GRB2: variants seen among roughly 807,000 people sequenced by gnomAD.
The protein encoded by GRB2 is growth factor receptor bound protein 2.
A neutral mutation model predicts 27.4 loss-of-function variants in GRB2; 2 were observed. That is an observed-to-expected ratio of 0.07 (90% confidence interval 0.03 to 0.23). GRB2 has a LOEUF of 0.23. Ranked by LOEUF, GRB2 falls within the 10% of genes least tolerant of loss-of-function variation. The probability of loss-of-function intolerance (pLI) is 1.00; values close to 1 mark genes in which losing one functional copy is unlikely to be tolerated. For missense variants in GRB2, 102 were observed against 282.4 expected, an observed-to-expected ratio of 0.36 and a Z score of 4.58; for synonymous variants, 94 against 99.6, an observed-to-expected ratio of 0.94 and a Z score of 0.33.
chr17:75,344,091 T>C (rs947953466), intron 2 of GRB2, among the ~76,000 whole-genome samples: 11 of 152,154 alleles, frequency 7.2e-5, no homozygotes, highest in African/African-American at 1.9e-4. Context: ...ATCAATTCAA[T>C]AGAAAACATC....
rs559687062 is a variant in GRB2 at position 75,375,227 on chromosome 17, A to G, written c.78+18324T>C. On this transcript the variant is annotated intron_variant, in intron 2 of 5. Transcript: ENST00000316804. ...CTGATCTACATAATTCTATCACTAT[A>G]CTTCTTATGCCAATCATCACATCAC... Among the ~76,000 whole-genome samples the G allele has an allele frequency of 3.7e-4, 56 of 152,222 alleles. 2 individuals carry two copies. Among genetic ancestry groups the G allele is most frequent in the African/African-American group, 1.3e-3 (53 of 41,532 alleles).
intron 2 of GRB2, among the ~76,000 whole-genome samples, chr17:75,336,231 G>A (rs1049186620): frequency 6.6e-5 from 10 of 152,166 alleles, no homozygotes; most frequent in African/African-American, 2.4e-4. Flanking sequence ...TTATTTCAGA[G>A]ACAGAGTCTA....
At chr17:75,335,831 A>ACAT (rs757808979) in intron 2 of GRB2, among the ~76,000 whole-genome samples, 31 of 152,228 alleles carry the variant, frequency 2.0e-4, no homozygotes, top group Admixed American at 2.0e-4. Flanking sequence ...TAAAAAAATC[A>ACAT]CATCAAAGAC....
chr17:75,402,255 T>C (rs2079068567), intron 1 of GRB2, among the ~76,000 whole-genome samples: 1 of 152,226 alleles, frequency 6.6e-6, no homozygotes, highest in Non-Finnish European at 1.5e-5. Flanking sequence ...CTGAGCGCTA[T>C]TGCTTTCACA....
chr17:75,361,807 A>G (rs1044642699), intron 2 of GRB2, among the ~76,000 whole-genome samples: 1 of 152,160 alleles, frequency 6.6e-6, no homozygotes, highest in Non-Finnish European at 1.5e-5. Context: ...CTAACTGAGC[A>G]ACTCTATTAA....
At chr17:75,325,159 T>C (rs902038346) in intron 4 of GRB2, among the ~76,000 whole-genome samples, 2 of 152,160 alleles carry the variant, frequency 1.3e-5, no homozygotes, top group Non-Finnish European at 2.9e-5. Flanking sequence ...CTAAACTAAG[T>C]AGTGATCTGA....
Position 75,393,669 on chromosome 17 carries a change from A to C in GRB2, c.-41T>G. ...GTGCTCAGCAGCCTGAAGCAGGGGG[A>C]AGGGAGTCTTCCCTGCTGAAGCAAC... On this transcript the variant is annotated 5_prime_UTR_variant, in exon 2 of 6. Coordinates refer to ENST00000316804, the MANE Select transcript of GRB2 (RefSeq NM_002086.5). 1 of 1,532,330 alleles carries C rather than the reference A, an allele frequency of 6.5e-7. No homozygotes were observed. The highest frequency in any genetic ancestry group is 9.0e-7 in the Non-Finnish European group (1 of 1,106,118). 94.9% of individuals were successfully genotyped at this position (1,532,330 alleles called of 1,614,324 possible).
intron 2 of GRB2, chr17:75,344,409 T>TC (rs2078641457): frequency 1.5e-5 from 2 of 130,790 alleles, no homozygotes; most frequent in African/African-American, 2.6e-5. Flanking sequence ...TTTTTTTTTT[T>TC]CAGACAGAGT....
chr17:75,342,945 A>T (rs1479841489), intron 2 of GRB2, among the ~76,000 whole-genome samples: 1 of 147,622 alleles, frequency 6.8e-6, no homozygotes, highest in African/African-American at 2.5e-5. Flanking sequence ...ACTACTCAGG[A>T]GGCTGAGGTG....
chr17:75,403,148 CAA>C (rs11422812), intron 1 of GRB2, among the ~76,000 whole-genome samples: 1 of 136,780 alleles, frequency 7.3e-6, no homozygotes, highest in Non-Finnish European at 1.5e-5. Context: ...CAACTTTGAC[CAA>C]AAAAAATATA....
rs201329838 is a variant in GRB2, at chr17:75,384,866, T to C, written c.78+8685A>G. ...AGACAGCAATTTTTCCTAAATGGCCTCTCTCTCTAGTTTGACCTCATTTGT... is the reference window on the plus strand; with the variant it reads ...AGACAGCAATTTTTCCTAAATGGCCCCTCTCTCTAGTTTGACCTCATTTGT... On this transcript the variant is annotated intron_variant, in intron 2 of 5. Coordinates refer to ENST00000316804, the MANE Select transcript of GRB2 (RefSeq NM_002086.5). Among the ~76,000 whole-genome samples the C allele has an allele frequency of 1.4e-3, 204 of 150,202 alleles. 1 individual carries two copies. The highest frequency in any genetic ancestry group is 3.9e-4 in the East Asian group (2 of 5,098).
chr17:75,338,806 G>T, intron 2 of GRB2: 1 of 744,006 alleles, frequency 1.3e-6, no homozygotes, highest in South Asian at 1.4e-5. Context: ...AGTCCTTTCT[G>T]TGCTGATAGC....
At chr17:75,330,159 G>A (rs539451812) in intron 3 of GRB2, among the ~76,000 whole-genome samples, 18 of 151,370 alleles carry the variant, frequency 1.2e-4, no homozygotes, top group East Asian at 3.9e-4. Context: ...CGAGGCGGGC[G>A]GATCAGGAGG....
chr17:75,366,798 T>TGA (rs2078822894), intron 2 of GRB2, among the ~76,000 whole-genome samples: 1 of 151,936 alleles, frequency 6.6e-6, no homozygotes, highest in African/African-American at 2.4e-5. Context: ...GGTGTCAGAG[T>TGA]GAGACCCTGG....
At chr17:75,337,392 AAAAG>A (rs978111457) in intron 2 of GRB2, among the ~76,000 whole-genome samples, 20 of 151,848 alleles carry the variant, frequency 1.3e-4, no homozygotes, top group African/African-American at 3.4e-4. Flanking sequence ...TTAAAAAAAA[AAAAG>A]AAAGAAAAAG....
In GRB2 at chr17:75,396,172, C is replaced by T. The variant is rs541653122; in HGVS notation, c.-137-2407G>A. On this transcript the variant is annotated intron_variant, in intron 1 of 5. Transcript: ENST00000316804. ...TTTTTTGTACAATCCTTAGATTTTT[C>T]CCAGCATTAGCAACTGCTTAATGTT... Among the ~76,000 whole-genome samples, 84 of 152,234 alleles carry T rather than the reference C, an allele frequency of 5.5e-4. 1 individual carries two copies. Among genetic ancestry groups the T allele is most frequent in the African/African-American group, 2.0e-3 (81 of 41,538 alleles).
rs867334401 is a variant in GRB2, at chr17:75,341,452, A to T, written c.79-8655T>A. 0.012 allele frequency among the ~76,000 whole-genome samples: 437 copies of T among 37,638 alleles called. 6 individuals carry two copies. In the South Asian group the frequency reaches 0.22, roughly 19 times the overall value. The allele number at this position is 37,638 out of a possible 152,430, so 24.7% of individuals were successfully genotyped here. On this transcript the variant is annotated intron_variant, in intron 2 of 5. Coordinates refer to ENST00000316804, the MANE Select transcript of GRB2 (RefSeq NM_002086.5). ...GGGTGACAGAGTGACTCCATTAAAAAAAAAAAAAAAAAAAAAACACAAAAG... is the reference window on the plus strand; with the variant it reads ...GGGTGACAGAGTGACTCCATTAAAATAAAAAAAAAAAAAAAAACACAAAAG...
In GRB2 at chr17:75,320,667, C is replaced by A; in HGVS notation, c.469-114G>T. 1.4e-6 allele frequency: 1 copy of A among 720,444 alleles called. No homozygotes were observed. Among genetic ancestry groups the A allele is most frequent in the Non-Finnish European group, 2.4e-6 (1 of 419,300 alleles). The allele number at this position is 720,444 out of a possible 1,614,324, so 44.6% of individuals were successfully genotyped here. A position where few individuals can be genotyped will look rare whatever the true frequency, so the allele number is the denominator to read the frequency against. On this transcript the variant is annotated intron_variant, in intron 5 of 5. Coordinates refer to ENST00000316804, the MANE Select transcript of GRB2 (RefSeq NM_002086.5). The surrounding 1 kb of genome is among the most constrained non-coding windows in gnomAD (Gnocchi z 4.3). ...AATGCGTGCCAAATTCTCCATGTTT[C>A]TTAAACTCACCTCCCATCTCCCAAC...
At position 75,401,057 on chromosome 17, in the gene GRB2, G is replaced by T. The variant is rs2079060468; in HGVS notation, c.-138+4432C>A. Among the ~76,000 whole-genome samples the T allele has an allele frequency of 2.0e-5, 3 of 151,428 alleles. No homozygotes were observed. The South Asian group carries it at 6.3e-4, about 32-fold the overall frequency. On this transcript the variant is annotated intron_variant, in intron 1 of 5. Transcript: ENST00000316804. ...TGCTCAAAGCAACCTCCACCTCCCGGGTTCAAGCCATTCTCCTCAAATTTT... is the reference window on the plus strand; with the variant it reads ...TGCTCAAAGCAACCTCCACCTCCCGTGTTCAAGCCATTCTCCTCAAATTTT...
Sources: gnomAD v4.1 joint callset for allele counts (sites outside exome capture counted in the v4.1 genomes callset) on GRCh38, gnomAD v4.1.1 for gene constraint, Gnocchi (gnomAD v3.1) non-coding constraint, MANE v1.5 for transcripts, NCBI Gene and HGNC (gene_info 2026-07-23, HGNC 2026-07-21) for gene names.